VCL: variants seen among roughly 807,000 people sequenced by gnomAD.
The protein encoded by VCL is vinculin, also known as epididymis luminal protein 114.
In VCL, 47 loss-of-function variants were observed where a neutral mutation model predicts 125.7. The observed-to-expected ratio is 0.37, with a 90% CI of 0.30 to 0.48. The LOEUF is 0.48. Ranked by LOEUF, VCL falls within the 20% of genes least tolerant of loss-of-function variation. The probability of loss-of-function intolerance (pLI) is 0.99; values close to 1 mark genes in which losing one functional copy is unlikely to be tolerated. For missense variants in VCL, 1,069 were observed against 1,455.5 expected (o/e 0.73, Z 4.32); for synonymous variants, 458 against 514.6 (o/e 0.89, Z 1.49).
chr10:74,066,478 T>G (rs373855966), intron 2 of VCL, among the ~76,000 whole-genome samples: 22 of 152,282 alleles, frequency 1.4e-4, no homozygotes, highest in African/African-American at 3.9e-4. Context: ...AACGGTATGA[T>G]TCCGCTTAAG....
intron 2 of VCL, among the ~76,000 whole-genome samples, chr10:74,058,847 C>T (rs1170106496): frequency 6.6e-6 from 1 of 152,026 alleles, no homozygotes; most frequent in East Asian, 1.9e-4. Context: ...CCTCCCTAGT[C>T]CAACTAGACC....
chr10:74,030,108 C>G (rs1255992580), intron 1 of VCL, among the ~76,000 whole-genome samples: 1 of 152,144 alleles, frequency 6.6e-6, no homozygotes, highest in Non-Finnish European at 1.5e-5. Flanking sequence ...TCAGGTGGTA[C>G]AAATTCTGAT....
chr10:74,070,887 T>C (rs1480498648), intron 3 of VCL, 67 bp downstream of exon 3: 2 of 1,612,184 alleles, frequency 1.2e-6, no homozygotes, highest in South Asian at 2.2e-5. Context: ...TTGTTTAGAA[T>C]GAAAATATGT....
intron 13 of VCL, among the ~76,000 whole-genome samples, chr10:74,098,968 G>A (rs1002870222): frequency 4.0e-5 from 6 of 151,894 alleles, no homozygotes; most frequent in African/African-American, 7.3e-5. Context: ...CCCCACACCC[G>A]TTCATACAAA....
intron 2 of VCL, among the ~76,000 whole-genome samples, chr10:74,069,150 G>C (rs748039520): frequency 2.6e-5 from 4 of 151,712 alleles, no homozygotes; most frequent in Non-Finnish European, 5.9e-5. Context: ...CTCCACCTCT[G>C]ATTCTCCTGC....
At chr10:74,009,230 CG>C (rs1162138921) in intron 1 of VCL, among the ~76,000 whole-genome samples, 4,182 of 112,596 alleles carry the variant, frequency 0.037, 432 homozygotes, top group African/African-American at 0.1. Context: ...CCCCCCCCCC[CG>C]AGCCATTTTA....
chr10:74,009,219 C>A (rs987447508), intron 1 of VCL, among the ~76,000 whole-genome samples: 2 of 101,408 alleles, frequency 2.0e-5, no homozygotes, highest in African/African-American at 4.2e-5. Flanking sequence ...GCTGCTTTCC[C>A]CCCCCCCCCC....
At chr10:74,029,227 C>T (rs372757459) in intron 1 of VCL, among the ~76,000 whole-genome samples, 21 of 152,176 alleles carry the variant, frequency 1.4e-4, no homozygotes, top group South Asian at 1.2e-3. Context: ...CATTCTCCTG[C>T]CTCAGCCTCC....
At chr10:74,000,259 CTTTT>C (rs34197555) in intron 1 of VCL, among the ~76,000 whole-genome samples, 3 of 114,822 alleles carry the variant, frequency 2.6e-5, no homozygotes, top group East Asian at 2.4e-4. Flanking sequence ...TTGTATTTTG[CTTTT>C]TTTTTTTTTT....
intron 2 of VCL, among the ~76,000 whole-genome samples, chr10:74,047,099 A>T (rs1841207383): frequency 6.6e-6 from 1 of 152,202 alleles, no homozygotes; most frequent in Non-Finnish European, 1.5e-5. Context: ...TTGTAAGGTG[A>T]ATTCTAACCA....
intron 1 of VCL, among the ~76,000 whole-genome samples, chr10:74,012,326 C>T (rs1055880259): frequency 1.3e-5 from 2 of 152,156 alleles, no homozygotes; most frequent in Non-Finnish European, 2.9e-5. Flanking sequence ...TCTCATTCTA[C>T]AATTCTCCCC....
chr10:74,025,190 G>A (rs550614407), intron 1 of VCL, among the ~76,000 whole-genome samples: 101 of 152,144 alleles, frequency 6.6e-4, no homozygotes, highest in Middle Eastern at 3.4e-3. Flanking sequence ...CTAATTTTTT[G>A]TATTTTCAGT....
At position 74,112,026 on chromosome 10, in the gene VCL, T is replaced by A. The variant is rs776741969; in HGVS notation, c.2863T>A (p.Leu955Ile). Residue 955 changes from leucine to isoleucine, a missense_variant, in exon 19 of 22, where the codon TTA (leucine) becomes ATA (isoleucine). Coordinates refer to ENST00000211998, the MANE Select transcript of VCL (RefSeq NM_014000.3). ...MEDDYEPELLLMPSNQPVNQP... is the reference protein window; with the variant it reads ...MEDDYEPELLIMPSNQPVNQP... ...AGACGATTACGAACCTGAGCTGCTG[T>A]TAATGCCATCCAATCAGCCGGTCAA... 2 of 1,613,542 alleles carry A rather than the reference T, an allele frequency of 1.2e-6. No individual in the cohort carries two copies. The highest frequency in any genetic ancestry group is 1.7e-6 in the Non-Finnish European group (2 of 1,180,028).
intron 21 of VCL, among the ~76,000 whole-genome samples, chr10:74,116,128 G>C (rs1438435658): frequency 6.6e-6 from 1 of 152,164 alleles, no homozygotes; most frequent in African/African-American, 2.4e-5. Flanking sequence ...ACCCAACGTG[G>C]GGAACTCAAA....
At chr10:74,020,868 G>A (rs941805386) in intron 1 of VCL, among the ~76,000 whole-genome samples, 8 of 118,268 alleles carry the variant, frequency 6.8e-5, no homozygotes, top group South Asian at 5.3e-4. Context: ...AAAAGAGAGC[G>A]AGAGATAAAA....
chr10:74,039,647 G>A (rs1032412311), intron 1 of VCL, among the ~76,000 whole-genome samples: 9 of 151,974 alleles, frequency 5.9e-5, no homozygotes, highest in Non-Finnish European at 7.4e-5. Context: ...TTAGCTAGGC[G>A]TGGTGTCTCA....
At chr10:74,009,040 A>G (rs2136225341) in intron 1 of VCL, among the ~76,000 whole-genome samples, 1 of 152,302 alleles carries the variant, frequency 6.6e-6, no homozygotes, top group South Asian at 2.1e-4. Context: ...AATAAGACTG[A>G]AAGATAGAGA....
chr10:74,072,248 A>G (rs1841672237), intron 4 of VCL, among the ~76,000 whole-genome samples: 1 of 152,202 alleles, frequency 6.6e-6, no homozygotes, highest in Admixed American at 6.5e-5. Flanking sequence ...GTACATGCTT[A>G]TTTTGGACAA....
intron 1 of VCL, among the ~76,000 whole-genome samples, chr10:74,013,211 T>G (rs1840468510): frequency 6.6e-6 from 1 of 152,140 alleles, no homozygotes; most frequent in Non-Finnish European, 1.5e-5. Context: ...CAGGCTGTGG[T>G]TGAATCTTGG....
Sources: allele counts gnomAD v4.1 joint callset (sites outside exome capture counted in the v4.1 genomes callset), GRCh38; gene constraint gnomAD v4.1.1; transcripts MANE v1.5; gene names NCBI Gene and HGNC (gene_info 2026-07-23, HGNC 2026-07-21).